COBLL1: variants seen among roughly 807,000 people sequenced by gnomAD.
COBLL1 encodes the protein cordon-bleu WH2 repeat protein like 1, also known as cordon-bleu protein-like 1.
A neutral mutation model predicts 94.8 loss-of-function variants in COBLL1; 50 were observed. That is an observed-to-expected ratio of 0.53 (90% CI 0.42 to 0.67). The LOEUF is 0.67. Among genes scored for constraint, COBLL1 ranks in the 30% least tolerant of loss-of-function variants. The pLI, the probability that COBLL1 is intolerant of heterozygous loss-of-function variation, is 0.00. For missense variants in COBLL1, 1,362 were observed against 1,348.7 expected (o/e 1.01, Z -0.15); for synonymous variants, 448 against 473.8 (o/e 0.95, Z 0.71).
At position 164,683,971 on chromosome 2, in the gene COBLL1, G is replaced by A. The variant is rs1405426647; in HGVS notation, c.*1975C>T. 1 of 152,000 alleles carries A rather than the reference G, an allele frequency of 6.6e-6. No homozygotes were observed. Among genetic ancestry groups the A allele is most frequent in the Non-Finnish European group, 1.5e-5 (1 of 67,992 alleles). 9.4% of individuals were successfully genotyped at this position (152,000 alleles called of 1,614,324 possible). On this transcript the variant is annotated 3_prime_UTR_variant, in exon 14 of 14. Transcript: ENST00000652658. ...CATAAGTACTTATTTAAGGTAACATGGTAAGGAATCTTTAATTTTACTAGA... is the reference window on the plus strand; with the variant it reads ...CATAAGTACTTATTTAAGGTAACATAGTAAGGAATCTTTAATTTTACTAGA...
intron 7 of COBLL1, among the ~76,000 whole-genome samples, chr2:164,721,310 T>C (rs181712826): frequency 2.4e-4 from 37 of 152,314 alleles, no homozygotes; most frequent in Admixed American, 5.2e-4. Flanking sequence ...CCAGCAACAA[T>C]ATATACAGTC....
intron 2 of COBLL1, among the ~76,000 whole-genome samples, chr2:164,756,236 C>T (rs569297528): frequency 3.9e-5 from 6 of 152,210 alleles, no homozygotes; most frequent in African/African-American, 1.4e-4. Context: ...CTATTCTAAG[C>T]AGATATGTAC....
At chr2:164,660,035 G>A (rs888516308) in intron 2 of COBLL1, among the ~76,000 whole-genome samples, 1 of 152,130 alleles carries the variant, frequency 6.6e-6, no homozygotes, top group Non-Finnish European at 1.5e-5. Flanking sequence ...TTTATGTTCT[G>A]AATAAGTGAC....
At chr2:164,668,836 A>C (rs1382939125) in intron 1 of COBLL1, among the ~76,000 whole-genome samples, 1 of 152,198 alleles carries the variant, frequency 6.6e-6, no homozygotes, top group Non-Finnish European at 1.5e-5. Context: ...TTTCATTTAT[A>C]ATTAACACTT....
rs961512326 is a variant in COBLL1, at chr2:164,680,576, A to G, written c.*5370T>C. The G allele has an allele frequency of 4.6e-5, 7 of 152,034 alleles. No homozygotes were observed. The highest frequency in any genetic ancestry group is 1.7e-4 in the African/African-American group (7 of 41,400). The allele number at this position is 152,034 out of a possible 1,614,324, so 9.4% of individuals were successfully genotyped here. ...GGGAGTCCTGGGCCTGCTCACTTCT[A>G]TTACTCATATGGCAGATTCTGCTTC... On this transcript the variant is annotated 3_prime_UTR_variant, in exon 14 of 14. Transcript: ENST00000652658.
intron 2 of COBLL1, among the ~76,000 whole-genome samples, chr2:164,801,263 C>T (rs546533352): frequency 6.1e-4 from 92 of 151,054 alleles, no homozygotes; most frequent in African/African-American, 2.1e-3. Flanking sequence ...CAAGGTGAAA[C>T]CCCGTCTCTA....
At chr2:164,716,170 AGATTTATCT>A (rs1462564658) in intron 7 of COBLL1, among the ~76,000 whole-genome samples, 1 of 152,204 alleles carries the variant, frequency 6.6e-6, no homozygotes, top group African/African-American at 2.4e-5. Flanking sequence ...TTCTGAACTT[AGATTTATCT>A]GAGAATTCTA....
intron 3 of COBLL1, among the ~76,000 whole-genome samples, chr2:164,740,010 AT>A (rs1686507216): frequency 1.3e-5 from 2 of 152,222 alleles, no homozygotes. Flanking sequence ...ATATCCCAGA[AT>A]CACACTCCTA....
chr2:164,787,444 T>C (rs1682919422), intron 2 of COBLL1, among the ~76,000 whole-genome samples: 1 of 152,120 alleles, frequency 6.6e-6, no homozygotes. Flanking sequence ...GGTAACTATA[T>C]GAGATGATGA....
chr2:164,741,284 CA>C (rs947822451), intron 3 of COBLL1, among the ~76,000 whole-genome samples: 1 of 150,964 alleles, frequency 6.6e-6, no homozygotes, highest in African/African-American at 2.4e-5. Flanking sequence ...AAAAAACAAA[CA>C]AAAAAAAGAT....
At chr2:164,660,006 A>G (rs1558900077) in intron 2 of COBLL1, among the ~76,000 whole-genome samples, 2 of 152,218 alleles carry the variant, frequency 1.3e-5, no homozygotes, top group Non-Finnish European at 2.9e-5. Flanking sequence ...AATTTGAGGT[A>G]CTGTCCTGCA....
chr2:164,831,714 C>G (rs910688969), intron 2 of COBLL1, among the ~76,000 whole-genome samples: 3 of 151,972 alleles, frequency 2.0e-5, no homozygotes, highest in African/African-American at 7.3e-5. Flanking sequence ...GGAGCTGCCA[C>G]AGACCAGGAA....
At chr2:164,740,294 C>A (rs1386695022) in intron 3 of COBLL1, among the ~76,000 whole-genome samples, 6 of 152,018 alleles carry the variant, frequency 3.9e-5, no homozygotes, top group Non-Finnish European at 1.5e-5. Context: ...GTCTGGGAGG[C>A]AGAAGCTGCA....
intron 2 of COBLL1, among the ~76,000 whole-genome samples, chr2:164,789,558 T>G (rs1334586613): frequency 6.6e-6 from 1 of 152,150 alleles, no homozygotes; most frequent in Non-Finnish European, 1.5e-5. Context: ...AAGTTTAAGT[T>G]GTTTGGCATA....
intron 2 of COBLL1, among the ~76,000 whole-genome samples, chr2:164,807,346 G>C (rs147472365): frequency 2.4e-3 from 358 of 151,896 alleles, no homozygotes; most frequent in Admixed American, 5.2e-3. Flanking sequence ...GCTGAGGCAG[G>C]AGAATCACTT....
intron 2 of COBLL1, among the ~76,000 whole-genome samples, chr2:164,792,727 A>G (rs1683253870): frequency 6.6e-6 from 1 of 152,198 alleles, no homozygotes; most frequent in South Asian, 2.1e-4. Context: ...TCAAGTATTT[A>G]TAACATCAAT....
chr2:164,816,135 A>T (rs1184209648), intron 2 of COBLL1, among the ~76,000 whole-genome samples: 2 of 151,938 alleles, frequency 1.3e-5, no homozygotes, highest in Non-Finnish European at 2.9e-5. Context: ...GAAGAAATGC[A>T]TTTGGTTTGA....
At chr2:164,828,433 A>G (rs1685537206) in intron 2 of COBLL1, among the ~76,000 whole-genome samples, 1 of 152,214 alleles carries the variant, frequency 6.6e-6, no homozygotes, top group African/African-American at 2.4e-5. Flanking sequence ...TCAATAGGAG[A>G]CTGGTTATAT....
At chr2:164,784,652 C>T (rs973805406) in intron 2 of COBLL1, among the ~76,000 whole-genome samples, 1 of 152,018 alleles carries the variant, frequency 6.6e-6, no homozygotes, top group African/African-American at 2.4e-5. Context: ...GCTTCCCTGT[C>T]TTCTTTTCCC....
Sources: allele counts gnomAD v4.1 joint callset (sites outside exome capture counted in the v4.1 genomes callset), GRCh38; gene constraint gnomAD v4.1.1; transcripts MANE v1.5; gene names NCBI Gene and HGNC (gene_info 2026-07-23, HGNC 2026-07-21).